NBAS: variants seen among roughly 807,000 people sequenced by gnomAD.
The protein encoded by NBAS is NBAS subunit of NRZ tethering complex, also known as NAG/BC035112 fusion.
Under a neutral mutation model 302.5 loss-of-function variants are expected in NBAS, and 219 were observed. The observed-to-expected ratio is 0.72, with a 90% CI of 0.65 to 0.81. The LOEUF is 0.81. Among genes scored for constraint, NBAS ranks in the 30% least tolerant of loss-of-function variants. The pLI is 0.00. For synonymous variants in NBAS, 1,118 were observed against 1,021.6 expected (o/e 1.09, Z -1.80); for missense variants, 2,932 against 2,841.6 (o/e 1.03, Z -0.72).
chr2:15,213,013 C>T (rs1666489408), intron 48 of NBAS, among the ~76,000 whole-genome samples: 1 of 152,110 alleles, frequency 6.6e-6, no homozygotes, highest in Non-Finnish European at 1.5e-5. Flanking sequence ...GGTCCTTCAC[C>T]AATTAGGTCC....
chr2:14,967,272 A>AT, the NBAS span, among the ~76,000 whole-genome samples: 4,070 of 152,130 alleles, frequency 0.027, 74 homozygotes, highest in Non-Finnish European at 0.04. Context: ...TACTAGCAGA[A>AT]TTTTTTTTAT....
At chr2:15,501,584 A>ATTTTTTTTTTTTTTTTTTTTTTTTTTTT (rs70961416) in intron 11 of NBAS, among the ~76,000 whole-genome samples, 1 of 107,228 alleles carries the variant, frequency 9.3e-6, no homozygotes, top group Non-Finnish European at 1.8e-5. Flanking sequence ...TGAACTAAAT[A>ATTTTTTTTTTTTTTTTTTTTTTTTTTTT]TTTTTTTTTT....
At chr2:15,427,995 A>C (rs1677566178) in intron 21 of NBAS, among the ~76,000 whole-genome samples, 1 of 152,220 alleles carries the variant, frequency 6.6e-6, no homozygotes, top group Non-Finnish European at 1.5e-5. Flanking sequence ...AAAATGGCTC[A>C]AAAAGAAAAA....
At chr2:15,103,165 T>G in the NBAS span, among the ~76,000 whole-genome samples, 7 of 152,160 alleles carry the variant, frequency 4.6e-5, no homozygotes, top group African/African-American at 1.7e-4. Context: ...AATACAACCA[T>G]GTTTTTAAGT....
At chr2:15,276,276 A>T (rs556132545) in intron 43 of NBAS, among the ~76,000 whole-genome samples, 4 of 152,320 alleles carry the variant, frequency 2.6e-5, no homozygotes, top group Admixed American at 6.5e-5. Flanking sequence ...AACAACTGAT[A>T]AACTGATGGG....
chr2:15,186,654 T>C (rs1572414641), intron 50 of NBAS, 88 bp downstream of exon 50: 1 of 1,588,076 alleles, frequency 6.3e-7, no homozygotes. Flanking sequence ...TAAATGTTCC[T>C]CAAATCCAGT....
At chr2:15,081,064 T>G in the NBAS span, among the ~76,000 whole-genome samples, 1 of 152,212 alleles carries the variant, frequency 6.6e-6, no homozygotes, top group East Asian at 1.9e-4. Context: ...ATTATTTCTG[T>G]CTCTTGGTGG....
At chr2:14,951,142 A>T in the NBAS span, among the ~76,000 whole-genome samples, 2 of 152,242 alleles carry the variant, frequency 1.3e-5, 1 homozygote, top group South Asian at 4.1e-4. Context: ...CCATCAGCGA[A>T]TGTGAGTTTC....
At chr2:15,158,674 T>A in the NBAS span, among the ~76,000 whole-genome samples, 1 of 152,172 alleles carries the variant, frequency 6.6e-6, no homozygotes, top group East Asian at 1.9e-4. Flanking sequence ...GGCCCAGGAT[T>A]TAGCAGTGAA....
At chr2:15,459,882 C>CT (rs1171692672) in intron 21 of NBAS, among the ~76,000 whole-genome samples, 1 of 152,112 alleles carries the variant, frequency 6.6e-6, no homozygotes, top group Non-Finnish European at 1.5e-5. Flanking sequence ...TGACCTACAA[C>CT]TTAAAGTAAA....
intron 32 of NBAS, among the ~76,000 whole-genome samples, chr2:15,359,709 T>C (rs1375922444): frequency 6.6e-6 from 1 of 152,340 alleles, no homozygotes; most frequent in Middle Eastern, 3.4e-3. Flanking sequence ...AAAATTGTGA[T>C]TATCTTTTTA....
the NBAS span, among the ~76,000 whole-genome samples, chr2:14,814,068 A>C: frequency 1.3e-5 from 2 of 152,334 alleles, no homozygotes; most frequent in African/African-American, 4.8e-5. Context: ...GTAAGAGTTG[A>C]GGTTGAGGAG....
the NBAS span, among the ~76,000 whole-genome samples, chr2:15,059,976 CA>C: frequency 0.091 from 5,808 of 64,124 alleles, 305 homozygotes; most frequent in East Asian, 0.22. Flanking sequence ...AAAAAAAAAA[CA>C]AAAAAAAAAA....
At chr2:15,352,133 T>A in intron 34 of NBAS, 52 bp from the exon 35 acceptor site, 1 of 1,277,496 alleles carries the variant, frequency 7.8e-7, no homozygotes, top group Non-Finnish European at 1.1e-6. Context: ...TAAATTTGCT[T>A]CTCATCACAA....
At chr2:15,264,803 T>C (rs1398170718) in intron 44 of NBAS, among the ~76,000 whole-genome samples, 5 of 152,274 alleles carry the variant, frequency 3.3e-5, no homozygotes, top group Middle Eastern at 3.4e-3. Context: ...CTTCCTCCTC[T>C]TATATAATAG....
chr2:15,002,522 C>T, the NBAS span, among the ~76,000 whole-genome samples: 7 of 152,318 alleles, frequency 4.6e-5, no homozygotes, highest in South Asian at 4.1e-4. Flanking sequence ...GCCAGTCCCA[C>T]GCCGTGCGCC....
At chr2:15,543,407 A>G (rs1479554046) in intron 6 of NBAS, among the ~76,000 whole-genome samples, 1 of 152,150 alleles carries the variant, frequency 6.6e-6, no homozygotes, top group African/African-American at 2.4e-5. Flanking sequence ...CACCAGTCCA[A>G]TGATTTCATG....
chr2:15,400,011 C>T (rs1322895898), intron 26 of NBAS, among the ~76,000 whole-genome samples: 2 of 151,916 alleles, frequency 1.3e-5, no homozygotes, highest in East Asian at 1.9e-4. Context: ...TAAAAAATAC[C>T]TCCCAGGCAA....
the NBAS span, among the ~76,000 whole-genome samples, chr2:15,117,440 G>A: frequency 0.01 from 1,579 of 152,234 alleles, 23 homozygotes; most frequent in Middle Eastern, 0.034. Flanking sequence ...CTTCTGGGTC[G>A]GATGACCACA....
Sources: gnomAD v4.1 joint callset for allele counts (sites outside exome capture counted in the v4.1 genomes callset) on GRCh38, gnomAD v4.1.1 for gene constraint, MANE v1.5 for transcripts, NCBI Gene and HGNC (gene_info 2026-07-23, HGNC 2026-07-21) for gene names.